The following TBX15 variants were observed in gnomAD, a reference collection of about 807,000 sequenced individuals.
TBX15 encodes T-box transcription factor 15.
In TBX15, 18 loss-of-function variants were observed where a neutral mutation model predicts 53.9. The observed-to-expected ratio is 0.33, with a 90% CI of 0.23 to 0.49. The LOEUF (loss-of-function observed/expected upper bound fraction) is 0.49, where lower values mean the gene tolerates loss of function less well. Among genes scored for constraint, TBX15 ranks in the 20% least tolerant of loss-of-function variants. The probability of loss-of-function intolerance (pLI) is 0.98; values close to 1 mark genes in which losing one functional copy is unlikely to be tolerated. For synonymous variants in TBX15, 295 were observed against 278.0 expected, an observed-to-expected ratio of 1.06 and a Z score of -0.61; for missense variants, 692 against 749.5, an observed-to-expected ratio of 0.92 and a Z score of 0.90.
intron 7 of TBX15, among the ~76,000 whole-genome samples, chr1:118,898,016 A>G (rs1444666797): frequency 6.6e-6 from 1 of 152,218 alleles, no homozygotes; most frequent in Non-Finnish European, 1.5e-5. Flanking sequence ...AATGATAACT[A>G]GTTGTATTAA....
intron 6 of TBX15, among the ~76,000 whole-genome samples, chr1:118,901,153 T>C (rs1352553791): frequency 6.6e-6 from 1 of 152,212 alleles, no homozygotes; most frequent in East Asian, 1.9e-4. Flanking sequence ...ACCTACCATA[T>C]GCTAGGTAAT....
intron 6 of TBX15, among the ~76,000 whole-genome samples, chr1:118,904,568 T>C (rs961520367): frequency 6.6e-6 from 1 of 152,182 alleles, no homozygotes; most frequent in African/African-American, 2.4e-5. Context: ...AAGTGTCCAA[T>C]GGACAGATGC....
chr1:118,939,443 CA>C (rs1207060739), intron 1 of TBX15, among the ~76,000 whole-genome samples: 1 of 53,518 alleles, frequency 1.9e-5, no homozygotes, highest in African/African-American at 7.3e-5. Context: ...AAAACAAAAA[CA>C]GGAACAGAAA....
At position 118,885,422 on chromosome 1, in the gene TBX15, T is replaced by A. The variant is rs763741667; in HGVS notation, c.1119A>T (p.Pro373=). The A allele has an allele frequency of 6.2e-7, 1 of 1,613,426 alleles. No individual in the cohort carries two copies. The highest frequency in any genetic ancestry group is 2.2e-5 in the East Asian group (1 of 44,802). The change falls in exon 8 of 8, where the codon CCA becomes CCT. Residue 373 remains proline (P), a synonymous_variant. Coordinates refer to ENST00000369429, the MANE Select transcript of TBX15 (RefSeq NM_001330677.2). ...SHLLSPSCSP[P]TFHLAPNTFN... ...AAGTGTTGGGGGCCAGATGAAAAGT[T>A]GGAGGAGAACAGGATGGAGATAAAA...
chr1:118,984,630 C>A (rs774764081), intron 1 of TBX15, among the ~76,000 whole-genome samples: 16 of 152,194 alleles, frequency 1.1e-4, no homozygotes, highest in Non-Finnish European at 1.9e-4. Context: ...CCAGGCTCCT[C>A]CGAGGCTGGT....
intron 1 of TBX15, among the ~76,000 whole-genome samples, chr1:118,953,441 T>G (rs998941113): frequency 6.6e-6 from 1 of 152,208 alleles, no homozygotes; most frequent in Non-Finnish European, 1.5e-5. Context: ...CCTCCCACTC[T>G]GGGCCTTGGG....
chr1:118,893,356 GGAAAGAAA>G (rs200654722), intron 7 of TBX15, among the ~76,000 whole-genome samples: 4,926 of 50,688 alleles, frequency 0.097, 258 homozygotes, highest in Non-Finnish European at 0.12. Context: ...AAGGAAGGAA[GGAAAGAAA>G]GAAAGAAAGA....
chr1:118,961,108 G>A (rs1571207676), intron 1 of TBX15, among the ~76,000 whole-genome samples: 1 of 152,124 alleles, frequency 6.6e-6, no homozygotes, highest in Non-Finnish European at 1.5e-5. Context: ...TCCAGGCCCT[G>A]CTATAGGAAA....
intron 6 of TBX15, among the ~76,000 whole-genome samples, chr1:118,910,270 A>T (rs1654986927): frequency 6.6e-6 from 1 of 152,176 alleles, no homozygotes; most frequent in Non-Finnish European, 1.5e-5. Flanking sequence ...CCTAATTTTT[A>T]AGCCCATGTG....
At chr1:118,917,348 T>C (rs988389991) in intron 5 of TBX15, among the ~76,000 whole-genome samples, 3 of 152,082 alleles carry the variant, frequency 2.0e-5, no homozygotes, top group African/African-American at 4.8e-5. Flanking sequence ...TGTTCTCTCT[T>C]ATAAGTGGGA....
chr1:118,979,018 G>GC (rs1657545696), intron 1 of TBX15, among the ~76,000 whole-genome samples: 1 of 152,114 alleles, frequency 6.6e-6, no homozygotes, highest in Non-Finnish European at 1.5e-5. Flanking sequence ...GAGGCACCTA[G>GC]CCCCTAGGTT....
intron 1 of TBX15, among the ~76,000 whole-genome samples, chr1:118,986,206 G>A (rs980045462): frequency 6.6e-6 from 1 of 152,180 alleles, no homozygotes; most frequent in Non-Finnish European, 1.5e-5. Context: ...AATGAGCTGA[G>A]GAAATAGGGT....
intron 1 of TBX15, among the ~76,000 whole-genome samples, chr1:118,938,285 A>AATT (rs1241768221): frequency 6.6e-6 from 1 of 152,126 alleles, no homozygotes; most frequent in Admixed American, 6.6e-5. Context: ...GGGAAAAGGG[A>AATT]GTAACCTGAA....
At chr1:118,888,819 G>C (rs1006866476) in intron 7 of TBX15, among the ~76,000 whole-genome samples, 1 of 151,976 alleles carries the variant, frequency 6.6e-6, no homozygotes, top group Admixed American at 6.5e-5. Flanking sequence ...AGATGGAGCA[G>C]ATGACTTCCT....
intron 6 of TBX15, chr1:118,901,389 C>T (rs1394251874): frequency 4.4e-6 from 2 of 456,654 alleles, no homozygotes; most frequent in Non-Finnish European, 8.8e-6. Flanking sequence ...AGAGCCTAAT[C>T]ACCTCTTAAA....
In TBX15 at chr1:118,883,718, T is replaced by TGGATCACA. The variant is rs1653809590; in HGVS notation, c.*1013_*1014insTGTGATCC. 1 of 152,258 alleles carries TGGATCACA rather than the reference T, an allele frequency of 6.6e-6. No homozygotes were observed. Among genetic ancestry groups the TGGATCACA allele is most frequent in the Non-Finnish European group, 1.5e-5 (1 of 68,104 alleles). The allele number at this position is 152,258 out of a possible 1,614,324, so 9.4% of individuals were successfully genotyped here. A position where few individuals can be genotyped will look rare whatever the true frequency, so the allele number is the denominator to read the frequency against. On this transcript the variant is annotated 3_prime_UTR_variant, in exon 8 of 8. Transcript: ENST00000369429. Reference sequence around the variant, plus strand: ...TCTTCTGGATCACAGTGGTCAAAGCTGTGGGCTCAGGATGCATTCCTTGCT... The same window carrying TGGATCACA: ...TCTTCTGGATCACAGTGGTCAAAGCTGGATCACAGTGGGCTCAGGATGCATTCCTTGCT...
chr1:118,921,771 C>T (rs1198506087), intron 5 of TBX15, among the ~76,000 whole-genome samples: 2 of 152,314 alleles, frequency 1.3e-5, no homozygotes, highest in South Asian at 2.1e-4. Context: ...CAAGGACCTA[C>T]CACTAAATTT....
chr1:118,901,575 A>G (rs1321118435), intron 6 of TBX15, among the ~76,000 whole-genome samples: 1 of 152,198 alleles, frequency 6.6e-6, no homozygotes, highest in South Asian at 2.1e-4. Context: ...GTGACTATTT[A>G]CTCATGAATT....
intron 5 of TBX15, among the ~76,000 whole-genome samples, chr1:118,916,171 A>C (rs1388120296): frequency 1.3e-5 from 2 of 152,300 alleles, no homozygotes; most frequent in Non-Finnish European, 2.9e-5. Context: ...GGAGCTTATA[A>C]TCCAGAAGAA....
Sources: allele counts gnomAD v4.1 joint callset (sites outside exome capture counted in the v4.1 genomes callset), GRCh38; gene constraint gnomAD v4.1.1; transcripts MANE v1.5; gene names NCBI Gene and HGNC (gene_info 2026-07-23, HGNC 2026-07-21).